Variants in H2BC5 observed in about 807,000 individuals in gnomAD.
H2BC5 encodes the protein H2B clustered histone 5.
In H2BC5, 9 loss-of-function variants were observed where a neutral mutation model predicts 5.7. The observed-to-expected ratio is 1.57, with a 90% confidence interval of 0.95 to 2.74. The LOEUF is 2.74. Among genes scored for constraint, H2BC5 ranks in the 30% most tolerant of loss-of-function variants. The pLI, the probability that H2BC5 is intolerant of heterozygous loss-of-function variation, is 0.00. For synonymous variants in H2BC5, 133 were observed against 70.9 expected (o/e 1.88, Z -4.40); for missense variants, 175 against 168.8 (o/e 1.04, Z -0.20).
At chr6:26,160,793 C>G (rs551734312), downstream of H2BC5, 1 of 149,814 alleles carries the variant, frequency 6.7e-6, no homozygotes. Flanking sequence ...CGCGTGAACC[C>G]GGGAGGTGGA....
rs1764392633 is a variant in H2BC5, at chr6:26,164,578, G to A, written c.*9+6019G>A. Among the ~76,000 whole-genome samples, 6 of 146,090 alleles carry A rather than the reference G, an allele frequency of 4.1e-5. No individual in the cohort carries two copies. In the South Asian group the frequency reaches 1.3e-3, roughly 32 times the overall value. On this transcript the variant is annotated intron_variant, in intron 1 of 1. Transcript: ENST00000289316. ...TTTACATCCTAACTTCTTCTGAGAG[G>A]GGAGAGCAAGGGAGATTTTATATAT...
downstream of H2BC5, among the ~76,000 whole-genome samples, chr6:26,162,201 T>C (rs1301169794): frequency 6.6e-6 from 1 of 152,156 alleles, no homozygotes; most frequent in Non-Finnish European, 1.5e-5. Flanking sequence ...AATTGGATAA[T>C]TGGTTATTTA....
At chr6:26,166,570 A>AG (rs975992790) in intron 1 of H2BC5, among the ~76,000 whole-genome samples, 1 of 152,114 alleles carries the variant, frequency 6.6e-6, no homozygotes, top group Non-Finnish European at 1.5e-5. Context: ...CTCCCAGGCC[A>AG]GGGGGGCTGC....
Position 26,165,149 on chromosome 6 carries a change from TC to T in H2BC5, c.*10-5822del, listed in dbSNP as rs374446155. On this transcript the variant is annotated intron_variant, in intron 1 of 1. Coordinates refer to the H2BC5 transcript ENST00000289316. ...TCCACAGAAAATGATGTCTATCCTCTCCCCTTGGATTTTTGTTTTTGGAAAT... is the reference window on the plus strand; with the variant it reads ...TCCACAGAAAATGATGTCTATCCTCTCCCTTGGATTTTTGTTTTTGGAAAT... Among the ~76,000 whole-genome samples, 143 of 152,312 alleles carry T rather than the reference TC, an allele frequency of 9.4e-4. 1 individual carries two copies. Among genetic ancestry groups the T allele is most frequent in the African/African-American group, 2.4e-3 (100 of 41,568 alleles).
chr6:26,160,464 G>T (rs1019368828), downstream of H2BC5, among the ~76,000 whole-genome samples: 1 of 148,938 alleles, frequency 6.7e-6, no homozygotes, highest in Non-Finnish European at 1.5e-5. Flanking sequence ...CACTTCGGGA[G>T]GCTGAGGCTG....
At chr6:26,169,967 C>T (rs1764494276) in intron 1 of H2BC5, among the ~76,000 whole-genome samples, 1 of 151,898 alleles carries the variant, frequency 6.6e-6, no homozygotes, top group Admixed American at 6.6e-5. Flanking sequence ...CTAAAAGAAA[C>T]CCACAGCAGA....
chr6:26,168,302 T>C (rs536934622), intron 1 of H2BC5, among the ~76,000 whole-genome samples: 1 of 151,942 alleles, frequency 6.6e-6, no homozygotes, highest in Admixed American at 6.6e-5. Flanking sequence ...CTACTAAAAA[T>C]ACAAAATTAG....
chr6:26,162,329 C>T (rs1367304377), downstream of H2BC5, among the ~76,000 whole-genome samples: 2 of 151,806 alleles, frequency 1.3e-5, no homozygotes, highest in Admixed American at 6.6e-5. Flanking sequence ...GATATTCTCT[C>T]CCATAACTAT....
intron 1 of H2BC5, among the ~76,000 whole-genome samples, chr6:26,168,850 T>C (rs186454046): frequency 6.6e-6 from 1 of 152,354 alleles, no homozygotes; most frequent in East Asian, 1.9e-4. Context: ...ATGCATTGAA[T>C]GTATTAATTC....
chr6:26,167,856 C>T (rs967988322), intron 1 of H2BC5, among the ~76,000 whole-genome samples: 3 of 151,824 alleles, frequency 2.0e-5, no homozygotes, highest in Non-Finnish European at 2.9e-5. Context: ...ATTATCTTTA[C>T]TATGGGCTAG....
At chr6:26,159,727 A>G (rs1032290493), downstream of H2BC5, among the ~76,000 whole-genome samples, 1 of 152,346 alleles carries the variant, frequency 6.6e-6, no homozygotes. Context: ...TGAATTTAGA[A>G]GTTTGTCCTC....
intron 1 of H2BC5, among the ~76,000 whole-genome samples, chr6:26,170,625 A>C (rs1276630771): frequency 6.6e-6 from 1 of 152,216 alleles, no homozygotes; most frequent in Non-Finnish European, 1.5e-5. Context: ...GCAATATTTA[A>C]CAGTTATTAT....
At chr6:26,162,940 T>C (rs183856438), downstream of H2BC5, among the ~76,000 whole-genome samples, 422 of 152,278 alleles carry the variant, frequency 2.8e-3, 3 homozygotes, top group Admixed American at 9.4e-3. Context: ...TGCTTTTTCT[T>C]TTTTAACCTG....
rs565746955 is a variant in H2BC5, at chr6:26,168,201, G to T, written c.*10-2774G>T. Among the ~76,000 whole-genome samples the T allele has an allele frequency of 1.5e-3, 234 of 152,156 alleles. 2 individuals carry two copies. Among genetic ancestry groups the T allele is most frequent in the African/African-American group, 5.3e-3 (219 of 41,532 alleles). ...GGGCCAGGCCCAGTGGCTCAAGCCT[G>T]TAATACCAGCACTTTGGGAGGCCAA... On this transcript the variant is annotated intron_variant, in intron 1 of 1. Transcript: ENST00000289316.
chr6:26,159,248 T>TTG (rs1364126008), downstream of H2BC5, among the ~76,000 whole-genome samples: 1 of 135,504 alleles, frequency 7.4e-6, no homozygotes, highest in Non-Finnish European at 1.6e-5. Context: ...TATAGGTTTT[T>TTG]TTTTTTTTTT....
At chr6:26,167,306 A>G (rs946838931) in intron 1 of H2BC5, among the ~76,000 whole-genome samples, 1 of 152,076 alleles carries the variant, frequency 6.6e-6, no homozygotes, top group Non-Finnish European at 1.5e-5. Context: ...GTCCATGCCA[A>G]CACAACCTTT....
chr6:26,161,222 G>A (rs1257644726), downstream of H2BC5: 4 of 151,786 alleles, frequency 2.6e-5, no homozygotes, highest in Admixed American at 6.6e-5. Context: ...GAAAAAAAAA[G>A]AAACAAAAAG....
At position 26,166,577 on chromosome 6, in the gene H2BC5, C is replaced by T. The variant is rs1406179547; in HGVS notation, c.*10-4398C>T. On this transcript the variant is annotated intron_variant, in intron 1 of 1. Coordinates refer to the H2BC5 transcript ENST00000289316. ...GGGGTTTACTCCCAGGCCAGGGGGG[C>T]TGCCATCTTCTTCACACACATTCCT... Among the ~76,000 whole-genome samples the T allele has an allele frequency of 9.9e-5, 15 of 152,046 alleles. 1 individual carries two copies. The South Asian group carries it at 2.9e-3, about 29-fold the overall frequency.
At chr6:26,161,723 G>A (rs556727286), downstream of H2BC5, among the ~76,000 whole-genome samples, 1 of 152,248 alleles carries the variant, frequency 6.6e-6, no homozygotes, top group South Asian at 2.1e-4. Flanking sequence ...AGAGAGCCAT[G>A]ATCACACCAC....
Sources: allele counts gnomAD v4.1 joint callset (sites outside exome capture counted in the v4.1 genomes callset), GRCh38; gene constraint gnomAD v4.1.1; transcripts MANE v1.5; gene names NCBI Gene and HGNC (gene_info 2026-07-23, HGNC 2026-07-21).